The following PTPRG variants were observed in gnomAD, a reference collection of about 807,000 sequenced individuals.
PTPRG encodes protein tyrosine phosphatase receptor type G.
PTPRG carries 102 observed loss-of-function variants against 165.3 expected under a neutral mutation model. The ratio of observed to expected loss-of-function variants is 0.62; its 90% CI spans 0.53 to 0.73. The LOEUF is 0.73. PTPRG is among the 30% of genes least tolerant of loss of function. PTPRG has a pLI of 0.00. For missense variants in PTPRG, 1,866 were observed against 1,861.4 expected (o/e 1.00, Z -0.05); for synonymous variants, 675 against 669.5 (o/e 1.01, Z -0.13).
At chr3:61,579,147 G>C (rs993730623) in intron 1 of PTPRG, among the ~76,000 whole-genome samples, 9 of 152,168 alleles carry the variant, frequency 5.9e-5, no homozygotes, top group African/African-American at 2.2e-4. Flanking sequence ...GAGTGACTCT[G>C]AAAGAGACTA....
chr3:61,974,281 C>T (rs2040450207), intron 2 of PTPRG, among the ~76,000 whole-genome samples: 1 of 151,930 alleles, frequency 6.6e-6, no homozygotes, highest in Non-Finnish European at 1.5e-5. Context: ...ACGTTTATGT[C>T]ATTAATCTTC....
At chr3:62,032,865 G>C (rs1013893586) in intron 4 of PTPRG, among the ~76,000 whole-genome samples, 2 of 152,164 alleles carry the variant, frequency 1.3e-5, no homozygotes, top group African/African-American at 4.8e-5. Context: ...AGATGGTTTT[G>C]TCAGGCAGAA....
chr3:61,728,160 A>G (rs2032338383), intron 1 of PTPRG, among the ~76,000 whole-genome samples: 2 of 152,200 alleles, frequency 1.3e-5, no homozygotes, highest in South Asian at 2.1e-4. Context: ...ACAGAGTCCC[A>G]TATGATTTAC....
In PTPRG at chr3:62,168,011, A is replaced by G; in HGVS notation, c.881A>G (p.Asp294Gly). The G allele has an allele frequency of 6.2e-7, 1 of 1,613,654 alleles. No homozygotes were observed. The highest frequency in any genetic ancestry group is 8.5e-7 in the Non-Finnish European group (1 of 1,179,878). The part of the protein sequence containing the change: ...FYSIFTTEQQ[D>G]HVKSVEYLRN... The stretch of plus-strand genomic sequence containing the variant: ...TCCATCTTCACCACGGAGCAGCAAG[A>G]CCATGTCAAGTCGGTGGAGTATCTG... Residue 294 changes from aspartate to glycine, a missense_variant, in exon 8 of 30, where the codon GAC (aspartate) becomes GGC (glycine). By Grantham distance (94) the Asp-to-Gly change is moderately conservative. This residue lies in a region of PTPRG where 6 missense variants were observed against 22.3 expected (regional missense o/e 0.27). Transcript: ENST00000474889.
At chr3:61,874,885 G>A (rs1005266942) in intron 2 of PTPRG, among the ~76,000 whole-genome samples, 4 of 152,314 alleles carry the variant, frequency 2.6e-5, no homozygotes, top group African/African-American at 4.8e-5. Flanking sequence ...TTGCTCCAGC[G>A]TTGAGTAAAT....
intron 1 of PTPRG, among the ~76,000 whole-genome samples, chr3:61,727,354 G>A (rs1039279809): frequency 2.6e-5 from 4 of 151,998 alleles, no homozygotes. Context: ...CAGGGTTTTG[G>A]ACGGTTGGCC....
chr3:62,199,676 T>C (rs1700052820), intron 10 of PTPRG, among the ~76,000 whole-genome samples: 2 of 152,222 alleles, frequency 1.3e-5, no homozygotes, highest in Admixed American at 1.3e-4. Context: ...TCATAGCAGG[T>C]ACAAGTGTTA....
At chr3:61,712,780 A>G (rs1010931976) in intron 1 of PTPRG, among the ~76,000 whole-genome samples, 1 of 152,222 alleles carries the variant, frequency 6.6e-6, no homozygotes, top group African/African-American at 2.4e-5. Flanking sequence ...TCTCAAAGGA[A>G]TATCTTCTTT....
At chr3:61,593,876 T>C (rs1669611444) in intron 1 of PTPRG, among the ~76,000 whole-genome samples, 1 of 152,138 alleles carries the variant, frequency 6.6e-6, no homozygotes, top group African/African-American at 2.4e-5. Flanking sequence ...TGAAGGCAAT[T>C]GGAAAGATAC....
At chr3:61,738,281 T>TATATATAC in intron 1 of PTPRG, among the ~76,000 whole-genome samples, 2 of 43,540 alleles carry the variant, frequency 4.6e-5, no homozygotes, top group South Asian at 1.2e-3. Context: ...TATATATACA[T>TATATATAC]ATATATATAT....
intron 1 of PTPRG, among the ~76,000 whole-genome samples, chr3:61,696,707 G>A (rs1396419491): frequency 1.3e-5 from 2 of 152,192 alleles, no homozygotes; most frequent in South Asian, 2.1e-4. Flanking sequence ...CCGGGGAAGC[G>A]ACTAGAGCCC....
intron 1 of PTPRG, among the ~76,000 whole-genome samples, chr3:61,731,740 C>T (rs1263577228): frequency 6.6e-6 from 1 of 151,948 alleles, no homozygotes; most frequent in Non-Finnish European, 1.5e-5. Context: ...ATTTTTCCAG[C>T]TTTTTCTGTA....
intron 4 of PTPRG, among the ~76,000 whole-genome samples, chr3:62,039,123 C>T (rs575875404): frequency 5.2e-4 from 79 of 152,014 alleles, no homozygotes; most frequent in African/African-American, 1.8e-3. Flanking sequence ...TTAGTAGGGA[C>T]GGGGTTTCAC....
intron 1 of PTPRG, among the ~76,000 whole-genome samples, chr3:61,605,574 T>A (rs369582341): frequency 1.3e-4 from 3 of 23,584 alleles, no homozygotes; most frequent in East Asian, 5.9e-3. Context: ...TATTTTTTTG[T>A]TTTTTTTATT....
At chr3:61,981,738 G>A (rs2040648507) in intron 2 of PTPRG, among the ~76,000 whole-genome samples, 1 of 152,148 alleles carries the variant, frequency 6.6e-6, no homozygotes, top group South Asian at 2.1e-4. Flanking sequence ...ATTGAATTTA[G>A]AACTCTTAGG....
chr3:61,667,914 ACTGC>A (rs1702854490), intron 1 of PTPRG, among the ~76,000 whole-genome samples: 2 of 152,278 alleles, frequency 1.3e-5, no homozygotes, highest in South Asian at 4.1e-4. Flanking sequence ...CATCTGGCCT[ACTGC>A]CTATTTTTTT....
At chr3:62,059,159 G>C (rs746801749) in intron 4 of PTPRG, among the ~76,000 whole-genome samples, 9 of 152,156 alleles carry the variant, frequency 5.9e-5, no homozygotes, top group Non-Finnish European at 1.0e-4. Context: ...TTAAAATGGG[G>C]ATAATAGTAA....
chr3:61,746,711 C>G (rs752150022), intron 1 of PTPRG, among the ~76,000 whole-genome samples: 5 of 152,178 alleles, frequency 3.3e-5, no homozygotes, highest in Admixed American at 6.5e-5. Flanking sequence ...GATTGACTGG[C>G]TTGAACCAAA....
intron 1 of PTPRG, among the ~76,000 whole-genome samples, chr3:61,568,350 T>A (rs2106765169): frequency 6.6e-6 from 1 of 152,364 alleles, no homozygotes; most frequent in Admixed American, 6.5e-5. Flanking sequence ...GTAGAACAGA[T>A]AAATTTGTGG....
Sources: allele counts gnomAD v4.1 joint callset (sites outside exome capture counted in the v4.1 genomes callset), GRCh38; gene constraint gnomAD v4.1.1; regional missense constraint gnomAD v4.1.1; transcripts MANE v1.5; gene names NCBI Gene and HGNC (gene_info 2026-07-23, HGNC 2026-07-21).